UBR1: variants seen among roughly 807,000 people sequenced by gnomAD.
UBR1 encodes the protein ubiquitin protein ligase E3 component n-recognin 1.
Under a neutral mutation model 242.1 loss-of-function variants are expected in UBR1, and 102 were observed. The observed-to-expected ratio is 0.42, with a 90% CI of 0.36 to 0.50. The LOEUF (loss-of-function observed/expected upper bound fraction) is 0.50. Among genes scored for constraint, UBR1 ranks in the 20% least tolerant of loss-of-function variants. The pLI, the probability that UBR1 is intolerant of heterozygous loss-of-function variation, is 0.01. For synonymous variants in UBR1, 675 were observed against 684.8 expected (o/e 0.99, Z 0.22); for missense variants, 1,772 against 2,101.8 (o/e 0.84, Z 3.07).
intron 6 of UBR1, among the ~76,000 whole-genome samples, chr15:43,061,781 G>T (rs2033690399): frequency 7.7e-6 from 1 of 129,262 alleles, no homozygotes; most frequent in Non-Finnish European, 1.6e-5. Flanking sequence ...GCATAAGAAT[G>T]ATACAATGGA....
intron 6 of UBR1, among the ~76,000 whole-genome samples, chr15:43,066,288 C>T (rs1459055678): frequency 6.6e-6 from 1 of 151,988 alleles, no homozygotes; most frequent in Non-Finnish European, 1.5e-5. Context: ...GGTGTGTGGT[C>T]TTATTTCTGA....
intron 11 of UBR1, among the ~76,000 whole-genome samples, chr15:43,055,321 G>A (rs1029518344): frequency 6.6e-6 from 1 of 152,076 alleles, no homozygotes; most frequent in Non-Finnish European, 1.5e-5. Flanking sequence ...GGCAATGCCT[G>A]TAATCTCAGT....
rs1306755119 is a variant in UBR1 at position 43,060,572 on chromosome 15, A to C, written c.799-458T>G. Among the ~76,000 whole-genome samples, 5 of 152,124 alleles carry C rather than the reference A, an allele frequency of 3.3e-5. 1 individual carries two copies. The South Asian group carries it at 6.2e-4, about 19-fold the overall frequency. ...CACCAGTCCTGGAGGCGGTCATGCA[A>C]GGTCTATGTAGGATTTCCTTGTAGC... On this transcript the variant is annotated intron_variant, in intron 6 of 46. Transcript: ENST00000290650.
intron 36 of UBR1, 34 bp from the exon 37 acceptor site, chr15:42,984,027 G>GAGGGA: frequency 6.4e-7 from 1 of 1,556,666 alleles, no homozygotes; most frequent in South Asian, 1.1e-5. Flanking sequence ...ATAAAAAGAT[G>GAGGGA]AGGGAAGATG....
At position 42,976,273 on chromosome 15, in the gene UBR1, G is replaced by A. The variant is rs2032286240; in HGVS notation, c.4369+444C>T. The stretch of plus-strand genomic sequence containing the variant: ...AGAGAGAGGAGAAACAGGGAAAGGA[G>A]CAGAACAACAGTAAGATATAACCAG... On this transcript the variant is annotated intron_variant, in intron 39 of 46. Coordinates refer to ENST00000290650, the MANE Select transcript of UBR1 (RefSeq NM_174916.3). 2.0e-5 allele frequency among the ~76,000 whole-genome samples: 3 copies of A among 152,146 alleles called. No homozygotes were observed. The South Asian group carries it at 6.2e-4, about 32-fold the overall frequency.
chr15:43,093,773 G>C (rs1391253185), intron 1 of UBR1, among the ~76,000 whole-genome samples: 1 of 133,854 alleles, frequency 7.5e-6, no homozygotes, highest in Non-Finnish European at 1.5e-5. Context: ...CTGGGGAACA[G>C]AGTGAGGCTC....
At chr15:43,034,337 G>A (rs1475355317) in intron 19 of UBR1, among the ~76,000 whole-genome samples, 4 of 151,808 alleles carry the variant, frequency 2.6e-5, no homozygotes, top group Non-Finnish European at 5.9e-5. Context: ...AGCTATGCAG[G>A]AAGCTGAGGT....
chr15:42,994,180 C>T (rs2032598470), intron 33 of UBR1, among the ~76,000 whole-genome samples: 1 of 151,900 alleles, frequency 6.6e-6, no homozygotes, highest in African/African-American at 2.4e-5. Context: ...GTATAAGTAT[C>T]GTACATAATT....
chr15:43,082,734 T>C lies in UBR1; in HGVS notation c.339-18A>G, dbSNP rs2033987106. On this transcript the variant is annotated intron_variant, in intron 2 of 46. Transcript: ENST00000290650. Reference sequence around the variant, plus strand: ...CACAATCCCTGAAAAAGATCAGAAATCAGATTCCAAAATTTAGATGACTCC... The same window carrying C: ...CACAATCCCTGAAAAAGATCAGAAACCAGATTCCAAAATTTAGATGACTCC... 1 of 1,607,634 alleles carries C rather than the reference T, an allele frequency of 6.2e-7. No homozygotes were observed. The highest frequency in any genetic ancestry group is 8.5e-7 in the Non-Finnish European group (1 of 1,174,352).
chr15:42,952,212 TG>T (rs1418545093), intron 45 of UBR1, 65 bp downstream of exon 45: 3 of 1,597,126 alleles, frequency 1.9e-6, no homozygotes, highest in East Asian at 4.5e-5. Context: ...CCCACCATAG[TG>T]ACCCCCAGAT....
At chr15:43,045,872 A>C (rs559561964) in intron 14 of UBR1, among the ~76,000 whole-genome samples, 96 of 152,382 alleles carry the variant, frequency 6.3e-4, no homozygotes, top group African/African-American at 2.2e-3. Context: ...TATTAGGATA[A>C]TGCCTGTTTG....
At chr15:43,019,422 C>T (rs2033074697) in intron 27 of UBR1, among the ~76,000 whole-genome samples, 1 of 151,596 alleles carries the variant, frequency 6.6e-6, no homozygotes, top group African/African-American at 2.4e-5. Context: ...GAAGAGCTGC[C>T]CTCTTAAAAG....
In UBR1 at chr15:43,060,768, A is replaced by G. The variant is rs963190105; in HGVS notation, c.799-654T>C. ...TAAGACAGAAGTTAATTTGTCCCCC[A>G]ATCAGAAAGTTAGCAAGTGACAGAT... On this transcript the variant is annotated intron_variant, in intron 6 of 46. Coordinates refer to ENST00000290650, the MANE Select transcript of UBR1 (RefSeq NM_174916.3). Among the ~76,000 whole-genome samples, 11 of 152,330 alleles carry G rather than the reference A, an allele frequency of 7.2e-5. No individual in the cohort carries two copies. The East Asian group carries it at 2.1e-3, about 29-fold the overall frequency.
At chr15:42,953,812 G>A (rs1279517130) in intron 44 of UBR1, among the ~76,000 whole-genome samples, 3 of 151,716 alleles carry the variant, frequency 2.0e-5, no homozygotes, top group African/African-American at 7.3e-5. Context: ...CATCCAGAAG[G>A]ATCCTCATTG....
chr15:43,063,777 G>A (rs2033716324), intron 6 of UBR1, among the ~76,000 whole-genome samples: 1 of 151,908 alleles, frequency 6.6e-6, no homozygotes, highest in Non-Finnish European at 1.5e-5. Flanking sequence ...TGCCCAGGCT[G>A]GATGCAATGG....
At chr15:42,979,573 T>C (rs1443472244) in intron 37 of UBR1, among the ~76,000 whole-genome samples, 1 of 152,068 alleles carries the variant, frequency 6.6e-6, no homozygotes, top group African/African-American at 2.4e-5. Flanking sequence ...TATTTTGAGA[T>C]GGAGTCTCAC....
At chr15:43,057,972 C>G (rs956093126) in intron 10 of UBR1, among the ~76,000 whole-genome samples, 1 of 151,362 alleles carries the variant, frequency 6.6e-6, no homozygotes, top group Non-Finnish European at 1.5e-5. Flanking sequence ...GGCAGTGGCG[C>G]GATCTTGGCT....
chr15:43,074,853 T>C, intron 4 of UBR1, 126 bp downstream of exon 4: 1 of 791,356 alleles, frequency 1.3e-6, no homozygotes, highest in Non-Finnish European at 2.2e-6. Context: ...AAAAGCCTCC[T>C]TACACCTAAA....
intron 25 of UBR1, among the ~76,000 whole-genome samples, chr15:43,024,588 G>C (rs916186716): frequency 6.6e-6 from 1 of 152,044 alleles, no homozygotes; most frequent in African/African-American, 2.4e-5. Context: ...CAATTTATTA[G>C]CATAAGTACA....
Sources: gnomAD v4.1 joint callset for allele counts (sites outside exome capture counted in the v4.1 genomes callset) on GRCh38, gnomAD v4.1.1 for gene constraint, MANE v1.5 for transcripts, NCBI Gene and HGNC (gene_info 2026-07-23, HGNC 2026-07-21) for gene names.